CDC14B: variants seen among roughly 807,000 people sequenced by gnomAD.
CDC14B encodes the protein dual specificity protein phosphatase CDC14B.
A neutral mutation model predicts 64.2 loss-of-function variants in CDC14B; 22 were observed. The observed-to-expected ratio is 0.34, with a 90% confidence interval of 0.24 to 0.49. The LOEUF is 0.49. Ranked by LOEUF, CDC14B falls within the 20% of genes least tolerant of loss-of-function variation. The pLI is 0.99. For missense variants in CDC14B, 498 were observed against 629.9 expected, an observed-to-expected ratio of 0.79 and a Z score of 2.24; for synonymous variants, 191 against 215.8, an observed-to-expected ratio of 0.89 and a Z score of 1.01.
At chr9:96,566,363 T>A (rs1271353227) in intron 1 of CDC14B, among the ~76,000 whole-genome samples, 1 of 152,088 alleles carries the variant, frequency 6.6e-6, no homozygotes, top group African/African-American at 2.4e-5. Flanking sequence ...AAACTATTTT[T>A]TTTTTTTTTT....
At position 96,503,793 on chromosome 9, in the gene CDC14B, CA is replaced by C. The variant is rs756930604; in HGVS notation, c.1461-5del. On this transcript the variant is annotated splice_region_variant and splice_polypyrimidine_tract_variant and intron_variant, in intron 13 of 13. Transcript: ENST00000375241. ...TTTAGTCCTTGAAATGGAGAGACTA[CA>C]GGGGGAAAAAAAAGGATTTTTACCA... 2.5e-6 allele frequency: 4 copies of C among 1,611,650 alleles called. No homozygotes were observed. In the South Asian group the frequency reaches 3.3e-5, roughly 13 times the overall value.
intron 1 of CDC14B, among the ~76,000 whole-genome samples, chr9:96,594,742 C>T (rs1237023086): frequency 6.7e-6 from 1 of 148,200 alleles, no homozygotes; most frequent in Non-Finnish European, 1.5e-5. Flanking sequence ...AAAAAAAGCC[C>T]AGGAGAGAAC....
In CDC14B at chr9:96,539,140, C is replaced by T; in HGVS notation, c.565G>A (p.Ala189Thr). 2 of 1,598,424 alleles carry T rather than the reference C, an allele frequency of 1.3e-6. No homozygotes were observed. Among genetic ancestry groups the T allele is most frequent in the Non-Finnish European group, 1.7e-6 (2 of 1,166,740 alleles). Residue 189 changes from alanine (A) to threonine (T), a missense_variant and splice_region_variant, in exon 7 of 14, where the codon GCA (alanine) becomes ACA (threonine). Transcript: ENST00000375241. The part of the protein sequence containing the change: ...LLDCFHAVKK[A>T]MQYGFLNFNS... Reference sequence around the variant, plus strand: ...AAATTAAGGAAGCCATACTGCATTGCCTAAAATCCAAAAGAAAGCTTTTAA... The same window carrying T: ...AAATTAAGGAAGCCATACTGCATTGTCTAAAATCCAAAAGAAAGCTTTTAA...
intron 12 of CDC14B, among the ~76,000 whole-genome samples, chr9:96,512,326 C>CT (rs776677638): frequency 0.027 from 3,605 of 132,064 alleles, 148 homozygotes; most frequent in African/African-American, 0.09. Context: ...AATTTTTTTT[C>CT]TTTTTTTTTT....
At chr9:96,558,229 TTAGA>T (rs1458340061) in intron 4 of CDC14B, among the ~76,000 whole-genome samples, 1 of 152,210 alleles carries the variant, frequency 6.6e-6, no homozygotes, top group African/African-American at 2.4e-5. Context: ...AGTTCTAGTG[TTAGA>T]TAGCACAGTA....
At chr9:96,494,942 C>T (rs1833187702) in intron 13 of CDC14B, among the ~76,000 whole-genome samples, 1 of 151,350 alleles carries the variant, frequency 6.6e-6, no homozygotes, top group Admixed American at 6.6e-5. Context: ...TCATGCCATT[C>T]TCCTGCCTCA....
intron 12 of CDC14B, among the ~76,000 whole-genome samples, chr9:96,519,679 C>A (rs1836359201): frequency 6.7e-6 from 1 of 148,430 alleles, no homozygotes; most frequent in South Asian, 2.1e-4. Flanking sequence ...TGCAGTGAGC[C>A]GAGGGCACAC....
At position 96,551,860 on chromosome 9, in the gene CDC14B, C is replaced by G. The variant is rs755371482; in HGVS notation, c.433G>C (p.Gly145Arg). 6.2e-7 allele frequency: 1 copy of G among 1,608,108 alleles called. No homozygotes were observed. Among genetic ancestry groups the G allele is most frequent in the Non-Finnish European group, 8.5e-7 (1 of 1,177,358 alleles). The change falls in exon 5 of 14, where the codon GGG becomes CGG. Residue 145 changes from glycine (G) to arginine (R), a missense_variant. Physicochemically the swap from Gly to Arg is moderately radical, Grantham distance 125. Transcript: ENST00000375241. ...LVGCYMVIYL[G>R]RTPEEAYRIL... ...CTATATGCTTCTTCTGGGGTTCTCC[C>G]CAAATATATAACCTATGTTTGAAAA...
At chr9:96,607,138 A>G (rs1847003958) in intron 1 of CDC14B, among the ~76,000 whole-genome samples, 1 of 152,076 alleles carries the variant, frequency 6.6e-6, no homozygotes, top group African/African-American at 2.4e-5. Context: ...TAGCTTTCAG[A>G]ATATCCCACA....
intron 1 of CDC14B, among the ~76,000 whole-genome samples, chr9:96,588,348 T>A (rs1416590702): frequency 6.6e-6 from 1 of 152,160 alleles, no homozygotes; most frequent in African/African-American, 2.4e-5. Flanking sequence ...TGTCAGCAAC[T>A]CCACTGGAAG....
At chr9:96,600,268 T>C (rs1846348106) in intron 1 of CDC14B, among the ~76,000 whole-genome samples, 1 of 150,762 alleles carries the variant, frequency 6.6e-6, no homozygotes, top group South Asian at 2.1e-4. Flanking sequence ...TTTATGCAAA[T>C]ACATTTTTTA....
intron 4 of CDC14B, among the ~76,000 whole-genome samples, chr9:96,555,536 A>G (rs1397893600): frequency 3.9e-5 from 6 of 152,228 alleles, no homozygotes. Context: ...TAGGTCACAA[A>G]GTTTTGCAGT....
chr9:96,514,279 G>T, intron 12 of CDC14B: 1 of 329,982 alleles, frequency 3.0e-6, no homozygotes, highest in Non-Finnish European at 4.3e-6. Flanking sequence ...CACCCATTCA[G>T]AACATCTTTG....
At chr9:96,531,277 G>T (rs1289860214) in intron 9 of CDC14B, among the ~76,000 whole-genome samples, 2 of 152,098 alleles carry the variant, frequency 1.3e-5, no homozygotes, top group Non-Finnish European at 2.9e-5. Flanking sequence ...CCAGGGTTTT[G>T]CTTTCTCAGG....
intron 1 of CDC14B, among the ~76,000 whole-genome samples, chr9:96,579,702 G>A (rs1564368473): frequency 6.6e-6 from 1 of 152,152 alleles, no homozygotes; most frequent in Non-Finnish European, 1.5e-5. Context: ...AGAGGCCTCA[G>A]CAGAAGCCAA....
rs528818600 is a variant in CDC14B, at chr9:96,509,239, C to A, written c.1460+434G>T. Among the ~76,000 whole-genome samples the A allele has an allele frequency of 3.3e-5, 5 of 152,320 alleles. No individual in the cohort carries two copies. The East Asian group carries it at 7.7e-4, about 23-fold the overall frequency. The stretch of plus-strand genomic sequence containing the variant: ...AAAGAACTAGTGCCTCGGGTGTGGG[C>A]TGTGGCCAAGAGGACAAAGAGTCAC... On this transcript the variant is annotated intron_variant, in intron 13 of 13. Coordinates refer to ENST00000375241, the MANE Select transcript of CDC14B (RefSeq NM_033331.4).
intron 1 of CDC14B, among the ~76,000 whole-genome samples, chr9:96,612,293 G>A (rs969555675): frequency 6.6e-6 from 1 of 152,180 alleles, no homozygotes; most frequent in Non-Finnish European, 1.5e-5. Flanking sequence ...CAAGTACACG[G>A]GAATGTTTGC....
intron 1 of CDC14B, among the ~76,000 whole-genome samples, chr9:96,610,124 T>C (rs1281648395): frequency 1.3e-5 from 2 of 151,692 alleles, no homozygotes; most frequent in Non-Finnish European, 2.9e-5. Context: ...CACACACCCA[T>C]TCAGATTTGT....
Position 96,515,014 on chromosome 9 carries a change from C to T in CDC14B, c.1344-5225G>A. 1.4e-5 allele frequency: 10 copies of T among 712,978 alleles called. No individual in the cohort carries two copies. The highest frequency in any genetic ancestry group is 1.5e-5 in the Non-Finnish European group (9 of 581,442). 44.2% of individuals were successfully genotyped at this position (712,978 alleles called of 1,614,324 possible). On this transcript the variant is annotated intron_variant, in intron 12 of 13. Coordinates refer to ENST00000375241, the MANE Select transcript of CDC14B (RefSeq NM_033331.4). This position sits in a 1 kb window ranked among gnomAD's most constrained non-coding sequence, Gnocchi z 4.3. ...GAAATGCACCAATTTAAACAGGCGA[C>T]CTCAGCTCCGACCTCCTACTTTCAT... is the stretch of plus-strand genomic sequence containing the variant.
Sources: allele counts gnomAD v4.1 joint callset (sites outside exome capture counted in the v4.1 genomes callset), GRCh38; gene constraint gnomAD v4.1.1; non-coding constraint Gnocchi (gnomAD v3.1); transcripts MANE v1.5; gene names NCBI Gene and HGNC (gene_info 2026-07-23, HGNC 2026-07-21).